Variants in CD109 observed in about 807,000 individuals in gnomAD.
CD109 encodes the protein CD109 molecule, also known as CD109 antigen.
In CD109, 149 loss-of-function variants were observed where a neutral mutation model predicts 165.8. The observed-to-expected ratio is 0.90, with a 90% CI of 0.79 to 1.03. CD109 has a LOEUF of 1.03. CD109 is among the 50% of genes least tolerant of loss of function. The probability of loss-of-function intolerance (pLI) is 0.00; values close to 1 mark genes in which losing one functional copy is unlikely to be tolerated. For synonymous variants in CD109, 585 were observed against 592.1 expected (o/e 0.99, Z 0.18); for missense variants, 1,712 against 1,677.8 (o/e 1.02, Z -0.36).
At position 73,708,578 on chromosome 6, in the gene CD109, T is replaced by C. The variant is rs1562022243; in HGVS notation, c.247+11006T>C. On this transcript the variant is annotated intron_variant, in intron 2 of 32. Coordinates refer to ENST00000287097, the MANE Select transcript of CD109 (RefSeq NM_133493.5). ...AGATCCCTGAGGAATCACCACCCTG[T>C]CTTCCACAATGGTTGAACTAGTTTA... Among the ~76,000 whole-genome samples, 4 of 152,248 alleles carry C rather than the reference T, an allele frequency of 2.6e-5. 1 individual carries two copies.
At chr6:73,741,016 CT>C (rs1387443716) in intron 5 of CD109, among the ~76,000 whole-genome samples, 1 of 152,058 alleles carries the variant, frequency 6.6e-6, no homozygotes, top group Non-Finnish European at 1.5e-5. Flanking sequence ...ACCCTGCCAC[CT>C]TGGTTTTCCA....
At chr6:73,791,162 T>TACAC (rs1774931410) in intron 22 of CD109, among the ~76,000 whole-genome samples, 27 of 36,308 alleles carry the variant, frequency 7.4e-4, no homozygotes, top group African/African-American at 2.7e-3. Flanking sequence ...TATATATATA[T>TACAC]ATATATATAT....
chr6:73,709,961 C>T (rs1267959014), intron 2 of CD109, among the ~76,000 whole-genome samples: 1 of 152,110 alleles, frequency 6.6e-6, no homozygotes, highest in East Asian at 1.9e-4. Context: ...AAGAGCTATT[C>T]ATGACAAACC....
intron 15 of CD109, among the ~76,000 whole-genome samples, chr6:73,774,269 T>G (rs1774155180): frequency 6.6e-6 from 1 of 152,254 alleles, no homozygotes; most frequent in South Asian, 2.1e-4. Flanking sequence ...TGGCAGATTC[T>G]CTGATAATAT....
Position 73,730,335 on chromosome 6 carries a change from TC to T in CD109, c.277-3del, listed in dbSNP as rs1258868754. 9 of 1,552,132 alleles carry T rather than the reference TC, an allele frequency of 5.8e-6. No homozygotes were observed. The highest frequency in any genetic ancestry group is 7.1e-6 in the Non-Finnish European group (8 of 1,130,670). On this transcript the variant is annotated splice_region_variant and splice_polypyrimidine_tract_variant and intron_variant, in intron 3 of 32. Transcript: ENST00000287097. ...GAGACCTTGATGTGTGATCTCTTTT[TC>T]CCCCCAGCTACCTCTGAACAGTGCA... is the stretch of plus-strand genomic sequence containing the variant.
the CD109 span, among the ~76,000 whole-genome samples, chr6:73,689,611 A>T: frequency 6.6e-5 from 10 of 151,842 alleles, no homozygotes; most frequent in South Asian, 2.1e-4. Context: ...TTGATCCAAG[A>T]AAACTGTAGA....
At chr6:73,687,229 A>T in the CD109 span, among the ~76,000 whole-genome samples, 1 of 152,216 alleles carries the variant, frequency 6.6e-6, no homozygotes, top group Non-Finnish European at 1.5e-5. Flanking sequence ...CAGTTCACGT[A>T]GGAAAGGCAG....
intron 5 of CD109, among the ~76,000 whole-genome samples, chr6:73,745,722 G>T (rs891957496): frequency 8.6e-5 from 13 of 151,894 alleles, no homozygotes; most frequent in African/African-American, 3.1e-4. Flanking sequence ...GGCTTACAAA[G>T]ATTAATTTTT....
chr6:73,742,421 T>A (rs1486901478), intron 5 of CD109, among the ~76,000 whole-genome samples: 1 of 152,260 alleles, frequency 6.6e-6, no homozygotes, highest in Non-Finnish European at 1.5e-5. Context: ...ATCTATGATT[T>A]AAAAATTATA....
chr6:73,755,264 G>A (rs1274392365), intron 5 of CD109, among the ~76,000 whole-genome samples: 1 of 152,138 alleles, frequency 6.6e-6, no homozygotes, highest in Non-Finnish European at 1.5e-5. Flanking sequence ...AGTTTCTTAA[G>A]ACTTTGATCA....
intron 5 of CD109, among the ~76,000 whole-genome samples, chr6:73,743,087 T>C (rs757366968): frequency 2.0e-5 from 3 of 152,216 alleles, no homozygotes; most frequent in African/African-American, 7.2e-5. Flanking sequence ...TGCTACTTTC[T>C]GCTATTTACT....
At chr6:73,778,452 A>G (rs1774346709) in intron 15 of CD109, among the ~76,000 whole-genome samples, 1 of 152,110 alleles carries the variant, frequency 6.6e-6, no homozygotes, top group Non-Finnish European at 1.5e-5. Flanking sequence ...GTTGAATAGG[A>G]GCGGTGAGAG....
the CD109 span, among the ~76,000 whole-genome samples, chr6:73,688,274 C>A: frequency 6.6e-6 from 1 of 152,186 alleles, no homozygotes; most frequent in African/African-American, 2.4e-5. Context: ...CTCTGCCCCC[C>A]AGTCCCTGGC....
chr6:73,717,047 A>G (rs1301052068), intron 2 of CD109, among the ~76,000 whole-genome samples: 1 of 152,166 alleles, frequency 6.6e-6, no homozygotes, highest in African/African-American at 2.4e-5. Flanking sequence ...CTTTTCCTCA[A>G]TATATGTTCT....
chr6:73,711,129 A>C (rs1002952313), intron 2 of CD109, among the ~76,000 whole-genome samples: 2 of 152,160 alleles, frequency 1.3e-5, no homozygotes, highest in Admixed American at 1.3e-4. Flanking sequence ...TGCCCTGTAC[A>C]TTTAGCAGCC....
Position 73,696,247 on chromosome 6 carries a change from A to T in CD109, c.32A>T (p.His11Leu). 1 of 1,541,356 alleles carries T rather than the reference A, an allele frequency of 6.5e-7. No individual in the cohort carries two copies. Among genetic ancestry groups the T allele is most frequent in the Non-Finnish European group, 8.7e-7 (1 of 1,148,504 alleles). Residue 11 changes from histidine to leucine, a missense_variant, in exon 1 of 33, where the codon CAC becomes CTC. By Grantham distance (99) the His-to-Leu change is moderately conservative. Coordinates refer to ENST00000287097, the MANE Select transcript of CD109 (RefSeq NM_133493.5). ...GGCCCACCGCTCCTGACCGCCGCCC[A>T]CCTCCTCTGCGTGTGCACCGCCGCG... MQGPPLLTAA[H>L]LLCVCTAALA...
chr6:73,785,884 G>T (rs1425864993), intron 20 of CD109, among the ~76,000 whole-genome samples: 8 of 138,908 alleles, frequency 5.8e-5, no homozygotes, highest in African/African-American at 1.9e-4. Flanking sequence ...TTGCTCTGTT[G>T]CCCAGGCTGG....
At chr6:73,784,501 TTGTC>T (rs1451157740) in intron 19 of CD109, among the ~76,000 whole-genome samples, 1 of 152,188 alleles carries the variant, frequency 6.6e-6, no homozygotes, top group African/African-American at 2.4e-5. Context: ...CAATTTTTCA[TTGTC>T]TGGGGCTGTC....
At position 73,788,516 on chromosome 6, in the gene CD109, A is replaced by G; in HGVS notation, c.2605A>G (p.Thr869Ala). The G allele has an allele frequency of 6.2e-7, 1 of 1,611,990 alleles. No homozygotes were observed. Among genetic ancestry groups the G allele is most frequent in the Non-Finnish European group, 8.5e-7 (1 of 1,179,430 alleles). ...SYSQSILLDL[T>A]DNRLQSTLKT... ...TTCACAATCCATCTTATTAGACTTGACTGACAATAGGCTACAGAGTACCCT... is the reference window on the plus strand; with the variant it reads ...TTCACAATCCATCTTATTAGACTTGGCTGACAATAGGCTACAGAGTACCCT... The change falls in exon 22 of 33, where the codon ACT becomes GCT. Residue 869 changes from threonine to alanine, a missense_variant. By Grantham distance (58) the Thr-to-Ala change is moderately conservative. Coordinates refer to ENST00000287097, the MANE Select transcript of CD109 (RefSeq NM_133493.5).
Sources: allele counts gnomAD v4.1 joint callset (sites outside exome capture counted in the v4.1 genomes callset), GRCh38; gene constraint gnomAD v4.1.1; transcripts MANE v1.5; gene names NCBI Gene and HGNC (gene_info 2026-07-23, HGNC 2026-07-21).